Variants in POLR3C observed in about 807,000 individuals in gnomAD.
The protein encoded by POLR3C is RNA polymerase III subunit C.
POLR3C carries 44 observed loss-of-function variants against 65.9 expected under a neutral mutation model. The ratio of observed to expected loss-of-function variants is 0.67; its 90% CI spans 0.52 to 0.86. The LOEUF is 0.86. Among genes scored for constraint, POLR3C ranks in the 40% least tolerant of loss-of-function variants. POLR3C has a pLI of 0.00. For missense variants in POLR3C, 576 were observed against 653.2 expected (o/e 0.88, Z 1.29); for synonymous variants, 263 against 231.6 (o/e 1.14, Z -1.23).
At chr1:145,835,874 C>A (rs1284224204) in intron 7 of POLR3C, among the ~76,000 whole-genome samples, 1 of 152,184 alleles carries the variant, frequency 6.6e-6, no homozygotes, top group Non-Finnish European at 1.5e-5. Context: ...CCACACCCAA[C>A]CTAGTCATAC....
At chr1:145,827,080 G>A (rs1650823289) in intron 4 of POLR3C, 75 bp downstream of exon 4, 1 of 1,161,656 alleles carries the variant, frequency 8.6e-7, no homozygotes, top group Non-Finnish European at 1.3e-6. Context: ...TGTATGAAAT[G>A]TGATTGTATT....
At chr1:145,839,848 A>G in intron 11 of POLR3C, 42 bp from the exon 12 acceptor site, 2 of 1,101,062 alleles carry the variant, frequency 1.8e-6, no homozygotes, top group South Asian at 2.5e-5. Context: ...CAGTTCTAAA[A>G]CAGTATAATT....
At chr1:145,829,112 C>T (rs1213506281) in intron 5 of POLR3C, among the ~76,000 whole-genome samples, 2 of 152,280 alleles carry the variant, frequency 1.3e-5, no homozygotes, top group East Asian at 3.9e-4. Context: ...ACCTAAAGAC[C>T]TACAGGGGCC....
In POLR3C at chr1:145,838,136, C is replaced by T. The variant is rs147155656; in HGVS notation, c.1151C>T (p.Ala384Val). The T allele has an allele frequency of 4.6e-5, 75 of 1,613,480 alleles. No individual in the cohort carries two copies. Among genetic ancestry groups the T allele is most frequent in the Non-Finnish European group, 1.9e-5 (23 of 1,179,506 alleles). Residue 384 changes from alanine to valine, a missense_variant, in exon 11 of 15, where the codon GCA (alanine) becomes GTA (valine). Coordinates refer to ENST00000334163, the MANE Select transcript of POLR3C (RefSeq NM_006468.8). ...HIEQKQVEDF[A>V]MIPAKEAKDM... is the part of the protein sequence containing the mutation. Reference sequence around the variant, plus strand: ...GAGCAGAAGCAAGTGGAAGACTTTGCAATGATTCCTGCAAAGGAGGCAAAG... The same window carrying T: ...GAGCAGAAGCAAGTGGAAGACTTTGTAATGATTCCTGCAAAGGAGGCAAAG...
Position 145,842,511 on chromosome 1 carries a change from C to A in POLR3C, c.*91C>A. On this transcript the variant is annotated 3_prime_UTR_variant, in exon 15 of 15. Coordinates refer to ENST00000334163, the MANE Select transcript of POLR3C (RefSeq NM_006468.8). ...ATGCATTATTTGCAGTGGGATAAGTCGCAGAGTCTTCAACTAAACCCCCCT... is the reference window on the plus strand; with the variant it reads ...ATGCATTATTTGCAGTGGGATAAGTAGCAGAGTCTTCAACTAAACCCCCCT... The A allele has an allele frequency of 1.2e-6, 1 of 867,718 alleles. No homozygotes were observed. Among genetic ancestry groups the A allele is most frequent in the South Asian group, 1.3e-5 (1 of 75,420 alleles). The allele number at this position is 867,718 out of a possible 1,614,324, so 53.8% of individuals were successfully genotyped here. A position where few individuals can be genotyped will look rare whatever the true frequency, so the allele number is the denominator to read the frequency against.
intron 4 of POLR3C, among the ~76,000 whole-genome samples, chr1:145,828,344 T>C (rs779732120): frequency 6.6e-6 from 1 of 152,164 alleles, no homozygotes; most frequent in Non-Finnish European, 1.5e-5. Context: ...GGAAATGACA[T>C]GATCTAATTT....
intron 12 of POLR3C, 48 bp downstream of exon 12, chr1:145,840,039 C>A: frequency 6.8e-7 from 1 of 1,481,338 alleles, no homozygotes; most frequent in Non-Finnish European, 9.4e-7. Context: ...CGGTCAAGTA[C>A]CCCTCATGTG....
intron 7 of POLR3C, among the ~76,000 whole-genome samples, chr1:145,835,176 C>T (rs1651701636): frequency 6.7e-6 from 1 of 148,354 alleles, no homozygotes; most frequent in Admixed American, 6.7e-5. Context: ...AGGCCGGACG[C>T]AGCAGCTCAC....
chr1:145,838,635 C>T (rs1553729520), intron 11 of POLR3C, among the ~76,000 whole-genome samples: 2 of 151,730 alleles, frequency 1.3e-5, no homozygotes, highest in East Asian at 1.9e-4. Context: ...TGCAGTGAGC[C>T]GAGATCAAGC....
At chr1:145,832,398 TAAG>T (rs1651411011) in intron 5 of POLR3C, among the ~76,000 whole-genome samples, 1 of 152,090 alleles carries the variant, frequency 6.6e-6, no homozygotes, top group Non-Finnish European at 1.5e-5. Flanking sequence ...TAAAGGCTGA[TAAG>T]AAGGCGGTAG....
intron 5 of POLR3C, among the ~76,000 whole-genome samples, chr1:145,830,709 T>A (rs1187381832): frequency 6.6e-6 from 1 of 151,292 alleles, no homozygotes; most frequent in Non-Finnish European, 1.5e-5. Flanking sequence ...TGCGGCAGGA[T>A]AATGGCCTGA....
At chr1:145,830,567 A>C (rs1365113820) in intron 5 of POLR3C, among the ~76,000 whole-genome samples, 2 of 152,076 alleles carry the variant, frequency 1.3e-5, no homozygotes, top group Non-Finnish European at 2.9e-5. Flanking sequence ...TGGGAGGCCG[A>C]GGTAGGTGGA....
chr1:145,838,531 C>T lies in POLR3C; in HGVS notation c.1221+325C>T, dbSNP rs1321665588. On this transcript the variant is annotated intron_variant, in intron 11 of 14. Coordinates refer to ENST00000334163, the MANE Select transcript of POLR3C (RefSeq NM_006468.8). ...ACTCCGTCTCTAATAAAATACAAAACAATTAGCTGGGCCTGGTGGCACACG... is the reference window on the plus strand; with the variant it reads ...ACTCCGTCTCTAATAAAATACAAAATAATTAGCTGGGCCTGGTGGCACACG... Among the ~76,000 whole-genome samples, 23 of 151,690 alleles carry T rather than the reference C, an allele frequency of 1.5e-4. 1 individual carries two copies. The highest frequency in any genetic ancestry group is 5.6e-4 in the African/African-American group (23 of 41,270).
chr1:145,836,481 CT>C lies in POLR3C; in HGVS notation c.877-10del. The C allele has an allele frequency of 2.0e-6, 3 of 1,525,666 alleles. No individual in the cohort carries two copies. The highest frequency in any genetic ancestry group is 2.7e-6 in the Non-Finnish European group (3 of 1,100,568). 94.5% of individuals were successfully genotyped at this position (1,525,666 alleles called of 1,614,324 possible). A position where few individuals can be genotyped will look rare whatever the true frequency, so the allele number is the denominator to read the frequency against. On this transcript the variant is annotated splice_polypyrimidine_tract_variant and intron_variant, in intron 7 of 14. Transcript: ENST00000334163. ...AGTTCCCAAACCCATTTTAAGTGTC[CT>C]TTGCTCCATAGATCTTCAGATCCCT... is the stretch of plus-strand genomic sequence containing the variant.
At chr1:145,835,684 C>T (rs949960558) in intron 7 of POLR3C, among the ~76,000 whole-genome samples, 3 of 151,932 alleles carry the variant, frequency 2.0e-5, no homozygotes, top group Admixed American at 2.0e-4. Flanking sequence ...AAGGCATTCT[C>T]CTGCTCATCC....
Position 145,840,034 on chromosome 1 carries a change from A to C in POLR3C, c.1323+43A>C, listed in dbSNP as rs868965952. 27 of 1,496,260 alleles carry C rather than the reference A, an allele frequency of 1.8e-5. No homozygotes were observed. In the Middle Eastern group the frequency reaches 1.5e-3, roughly 85 times the overall value. The allele number at this position is 1,496,260 out of a possible 1,614,324, so 92.7% of individuals were successfully genotyped here. On this transcript the variant is annotated intron_variant, in intron 12 of 14. Transcript: ENST00000334163. ...TTCTCCCCATTTCCTCCATACGGTC[A>C]AGTACCCCTCATGTGCCCACTTCGC...
At position 145,843,839 on chromosome 1, in the gene POLR3C, A is replaced by C. The variant is rs973422675; in HGVS notation, c.*1419A>C. ...AGGAGCTCAAACAATAGCAAAAAGA[A>C]CAATCCAACTTAAAAATGGCCAAAA... is the stretch of plus-strand genomic sequence containing the variant. On this transcript the variant is annotated 3_prime_UTR_variant, in exon 15 of 15. Coordinates refer to ENST00000334163, the MANE Select transcript of POLR3C (RefSeq NM_006468.8). Among the ~76,000 whole-genome samples, 39 of 152,332 alleles carry C rather than the reference A, an allele frequency of 2.6e-4. No individual in the cohort carries two copies. In the Middle Eastern group the frequency reaches 0.014, roughly 53 times the overall value.
intron 11 of POLR3C, 190 bp from the exon 12 acceptor site, chr1:145,839,700 C>T (rs1652138599): frequency 1.9e-6 from 1 of 533,694 alleles, no homozygotes; most frequent in Non-Finnish European, 3.3e-6. Context: ...CACCGCACTC[C>T]ATCCTAGGTA....
intron 5 of POLR3C, among the ~76,000 whole-genome samples, chr1:145,832,886 G>C (rs1276870734): frequency 6.6e-6 from 1 of 152,120 alleles, no homozygotes; most frequent in South Asian, 2.1e-4. Flanking sequence ...GCCTAGCGCA[G>C]TGGTGGTTGC....
Sources: allele counts gnomAD v4.1 joint callset (sites outside exome capture counted in the v4.1 genomes callset), GRCh38; gene constraint gnomAD v4.1.1; transcripts MANE v1.5; gene names NCBI Gene and HGNC (gene_info 2026-07-23, HGNC 2026-07-21).